The following HDAC1 variants were observed in gnomAD, a reference collection of about 807,000 sequenced individuals.
The protein encoded by HDAC1 is protein deacetylase HDAC1.
In HDAC1, 18 loss-of-function variants were observed where a neutral mutation model predicts 65.5. The ratio of observed to expected loss-of-function variants is 0.27; its 90% CI spans 0.19 to 0.41. HDAC1 has a LOEUF of 0.41. Ranked by LOEUF, HDAC1 falls within the 10% of genes least tolerant of loss-of-function variation. HDAC1 has a pLI of 1.00. For missense variants in HDAC1, 373 were observed against 625.2 expected, an observed-to-expected ratio of 0.60 and a Z score of 4.30; for synonymous variants, 211 against 227.9, an observed-to-expected ratio of 0.93 and a Z score of 0.67.
In HDAC1 at chr1:32,324,527, G is replaced by A. The variant is rs767651962; in HGVS notation, c.329G>A (p.Cys110Tyr). The stretch of plus-strand genomic sequence containing the variant: ...GTATTCGATGGCCTGTTTGAGTTCT[G>A]TCAGTTGTCTACTGGTGGTTCTGTG... ...CPVFDGLFEFCQLSTGGSVAS... is the reference protein window; with the variant it reads ...CPVFDGLFEFYQLSTGGSVAS... Residue 110 changes from cysteine (C) to tyrosine (Y), a missense_variant, in exon 4 of 14, where the codon TGT becomes TAT. Physicochemically the swap from Cys to Tyr is radical, Grantham distance 194. This residue lies in a region of HDAC1 where 62 missense variants were observed against 180.0 expected (regional missense o/e 0.34). Transcript: ENST00000373548. 1.9e-6 allele frequency: 3 copies of A among 1,612,774 alleles called. No homozygotes were observed.
intron 2 of HDAC1, among the ~76,000 whole-genome samples, chr1:32,313,101 T>G (rs761384509): frequency 3.3e-5 from 5 of 151,748 alleles, no homozygotes; most frequent in Non-Finnish European, 4.4e-5. Flanking sequence ...TTTATTTATT[T>G]ATTTATTTAT....
At chr1:32,300,988 G>A (rs1375201507) in intron 1 of HDAC1, among the ~76,000 whole-genome samples, 1 of 152,100 alleles carries the variant, frequency 6.6e-6, no homozygotes, top group African/African-American at 2.4e-5. Flanking sequence ...ACCAAAACAG[G>A]CAACTAGTTG....
rs747213333 is a variant in HDAC1, at chr1:32,316,732, G to A, written c.230G>A (p.Arg77His). ...YHSDDYIKFL[R>H]SIRPDNMSEY... The stretch of plus-strand genomic sequence containing the variant: ...AGCGATGACTACATTAAATTCTTGC[G>A]CTCCATCCGTCCAGATAACATGTCG... The change falls in exon 3 of 14, where the codon CGC becomes CAC. Residue 77 changes from arginine to histidine, a missense_variant. Physicochemically the swap from Arg to His is conservative, Grantham distance 29 (BLOSUM62 0). Around this residue, in one of 4 missense-constraint regions of HDAC1, gnomAD observed 80 missense variants for 126.3 expected, o/e 0.63. Coordinates refer to ENST00000373548, the MANE Select transcript of HDAC1 (RefSeq NM_004964.3). 2 of 1,613,656 alleles carry A rather than the reference G, an allele frequency of 1.2e-6. No homozygotes were observed. The highest frequency in any genetic ancestry group is 2.2e-5 in the East Asian group (1 of 44,890).
intron 2 of HDAC1, among the ~76,000 whole-genome samples, chr1:32,315,942 G>A (rs1468679625): frequency 6.7e-6 from 1 of 150,218 alleles, no homozygotes. Flanking sequence ...TCCAGCCTGG[G>A]TGACAGAGTG....
rs117994603 is a variant in HDAC1 at position 32,310,007 on chromosome 1, A to G, written c.163-6658A>G. On this transcript the variant is annotated intron_variant, in intron 2 of 13. Coordinates refer to ENST00000373548, the MANE Select transcript of HDAC1 (RefSeq NM_004964.3). ...GCAGATTGGCACAGTGAATGAGATC[A>G]ATTCAGTCTCTCAAACATGTTTTAT... Among the ~76,000 whole-genome samples the G allele has an allele frequency of 1.3e-3, 192 of 152,276 alleles. 3 individuals carry two copies. In the East Asian group the frequency reaches 0.025, roughly 20 times the overall value.
intron 3 of HDAC1, among the ~76,000 whole-genome samples, chr1:32,319,986 G>A (rs1641117696): frequency 6.6e-6 from 1 of 151,908 alleles, no homozygotes; most frequent in African/African-American, 2.4e-5. Context: ...GGAGGCCGAG[G>A]TGGGCGGATC....
intron 2 of HDAC1, among the ~76,000 whole-genome samples, chr1:32,314,825 CAAA>C (rs34315355): frequency 1.2e-4 from 8 of 64,192 alleles, no homozygotes; most frequent in South Asian, 5.7e-4. Context: ...GACTCCGTCT[CAAA>C]AAAAAAAAAA....
rs1421551278 is a variant in HDAC1, at chr1:32,327,571, T to C, written c.530T>C (p.Ile177Thr). ...HQRVLYIDID[I>T]HHGDGVEEAF... ...AGGGTGCTGTACATTGACATTGATA[T>C]TCACCATGGTGACGGCGTGGAAGAG... The change falls in exon 6 of 14, where the codon ATT becomes ACT. Residue 177 changes from isoleucine to threonine, a missense_variant. By Grantham distance (89) the Ile-to-Thr change is moderately conservative. This residue lies in a region of HDAC1 where 62 missense variants were observed against 180.0 expected (regional missense o/e 0.34). Coordinates refer to ENST00000373548, the MANE Select transcript of HDAC1 (RefSeq NM_004964.3). This position sits in a 1 kb window ranked among gnomAD's most constrained non-coding sequence, Gnocchi z 6.0. 1.2e-6 allele frequency: 2 copies of C among 1,613,160 alleles called. No individual in the cohort carries two copies. Among genetic ancestry groups the C allele is most frequent in the South Asian group, 1.1e-5 (1 of 91,078 alleles).
chr1:32,325,360 T>G (rs1641203280), intron 4 of HDAC1, among the ~76,000 whole-genome samples: 2 of 152,116 alleles, frequency 1.3e-5, no homozygotes, highest in African/African-American at 2.4e-5. Context: ...ATTGTGTCCA[T>G]CCCCGCTGCC....
chr1:32,326,391 T>C (rs956543418), intron 4 of HDAC1, among the ~76,000 whole-genome samples: 14 of 152,088 alleles, frequency 9.2e-5, no homozygotes, highest in Admixed American at 8.5e-4. Flanking sequence ...TATCGAACTC[T>C]TGACCTCAGG....
intron 2 of HDAC1, among the ~76,000 whole-genome samples, chr1:32,316,283 C>CAAAAAAAAA (rs879826419): frequency 1.4e-5 from 2 of 139,394 alleles, no homozygotes; most frequent in African/African-American, 5.7e-5. Flanking sequence ...GACTCCGTCT[C>CAAAAAAAAA]AAAAAAAAAA....
chr1:32,299,975 G>A (rs1392099279), intron 1 of HDAC1, among the ~76,000 whole-genome samples: 3 of 151,392 alleles, frequency 2.0e-5, no homozygotes, highest in South Asian at 2.1e-4. Flanking sequence ...GGAGAATGGC[G>A]TGAACCCTGG....
Position 32,320,240 on chromosome 1 carries a change from C to CCA in HDAC1, c.280+3469_280+3470dup, listed in dbSNP as rs59215420. 2.6e-3 allele frequency among the ~76,000 whole-genome samples: 397 copies of CCA among 151,076 alleles called. 1 individual carries two copies. The highest frequency in any genetic ancestry group is 9.3e-3 in the African/African-American group (385 of 41,294). ...TTCTCAAAAAGAAAAAAAAAAAAAC[C>CCA]CACACACACACAAAAACATCCCACA... On this transcript the variant is annotated intron_variant, in intron 3 of 13. Transcript: ENST00000373548.
chr1:32,316,850 C>A, intron 3 of HDAC1, 68 bp downstream of exon 3: 1 of 963,222 alleles, frequency 1.0e-6, no homozygotes, highest in Non-Finnish European at 1.7e-6. Flanking sequence ...TGTAGAGGCC[C>A]ATTCTGCCGT....
chr1:32,309,397 A>G (rs866325226), intron 2 of HDAC1, among the ~76,000 whole-genome samples: 1 of 152,170 alleles, frequency 6.6e-6, no homozygotes, highest in Middle Eastern at 3.4e-3. Flanking sequence ...TTTTTAAGAG[A>G]CAGCCTTGGC....
At chr1:32,324,383 C>T in intron 3 of HDAC1, 96 bp from the exon 4 acceptor site, 2 of 830,728 alleles carry the variant, frequency 2.4e-6, no homozygotes, top group Admixed American at 1.8e-5. Flanking sequence ...GAACCCACAC[C>T]TCCTGAATTT....
In HDAC1 at chr1:32,331,887, C is replaced by A. The variant is rs2148073409; in HGVS notation, c.1219+81C>A. ...CACCACCATTCCTGGCTGCACACTC[C>A]CTCCAAGCTCCCCACCTGTAGAGAA... On this transcript the variant is annotated intron_variant, in intron 11 of 13. Coordinates refer to ENST00000373548, the MANE Select transcript of HDAC1 (RefSeq NM_004964.3). This position sits in a 1 kb window ranked among gnomAD's most constrained non-coding sequence, Gnocchi z 4.2. The A allele has an allele frequency of 6.7e-7, 1 of 1,502,638 alleles. No homozygotes were observed. The highest frequency in any genetic ancestry group is 9.0e-7 in the Non-Finnish European group (1 of 1,111,782). 93.1% of individuals were successfully genotyped at this position (1,502,638 alleles called of 1,614,324 possible).
At chr1:32,313,845 T>A (rs1641023233) in intron 2 of HDAC1, among the ~76,000 whole-genome samples, 1 of 152,192 alleles carries the variant, frequency 6.6e-6, no homozygotes. Flanking sequence ...AGTGTGGATA[T>A]GGGTGTGAGT....
intron 2 of HDAC1, among the ~76,000 whole-genome samples, chr1:32,307,617 T>C (rs1450678575): frequency 1.3e-5 from 2 of 152,226 alleles, no homozygotes; most frequent in African/African-American, 4.8e-5. Context: ...TGGTTCACAA[T>C]TTGAAACTTA....
Sources: allele counts gnomAD v4.1 joint callset (sites outside exome capture counted in the v4.1 genomes callset), GRCh38; gene constraint gnomAD v4.1.1; regional missense constraint gnomAD v4.1.1; non-coding constraint Gnocchi (gnomAD v3.1); transcripts MANE v1.5; gene names NCBI Gene and HGNC (gene_info 2026-07-23, HGNC 2026-07-21).